Variants in GPC1 observed in about 807,000 individuals in gnomAD.
GPC1 encodes the protein glypican 1, also known as glypican-1.
GPC1 carries 26 observed loss-of-function variants against 51.5 expected under a neutral mutation model. The observed-to-expected ratio is 0.50, with a 90% CI of 0.37 to 0.70. GPC1 has a LOEUF of 0.70. Among genes scored for constraint, GPC1 ranks in the 30% least tolerant of loss-of-function variants. GPC1 has a pLI of 0.00. For missense variants in GPC1, 775 were observed against 800.5 expected (o/e 0.97, Z 0.38); for synonymous variants, 380 against 348.3 (o/e 1.09, Z -1.01).
At chr2:240,450,799 C>T (rs970875464) in intron 1 of GPC1, 11 of 469,394 alleles carry the variant, frequency 2.3e-5, no homozygotes, top group African/African-American at 4.0e-5. Context: ...TACCAGGGTA[C>T]CAGGGCCGGC....
chr2:240,449,025 G>C (rs374066846), intron 1 of GPC1, among the ~76,000 whole-genome samples: 5 of 152,240 alleles, frequency 3.3e-5, no homozygotes, highest in African/African-American at 1.2e-4. Flanking sequence ...AGACCTGGGG[G>C]GGAAGCCACC....
Position 240,452,939 on chromosome 2 carries a change from G to A in GPC1, c.167-6091G>A, listed in dbSNP as rs1386656673. ...CCTGCGAGCCCTTCCGCCCGGCCCCGCTCCGCCGCCTTTCCCCGGCCCGAG... is the reference window on the plus strand; with the variant it reads ...CCTGCGAGCCCTTCCGCCCGGCCCCACTCCGCCGCCTTTCCCCGGCCCGAG... On this transcript the variant is annotated intron_variant, in intron 1 of 8. Transcript: ENST00000264039. 5.4e-5 allele frequency: 17 copies of A among 315,466 alleles called. 1 individual carries two copies. Among genetic ancestry groups the A allele is most frequent in the East Asian group, 1.6e-4 (1 of 6,082 alleles). 19.5% of individuals were successfully genotyped at this position (315,466 alleles called of 1,614,324 possible).
chr2:240,437,328 GC>G (rs1287084559), intron 1 of GPC1, among the ~76,000 whole-genome samples: 1 of 152,116 alleles, frequency 6.6e-6, no homozygotes, highest in Non-Finnish European at 1.5e-5. Context: ...CCCACAGACA[GC>G]CCCTTGCCCT....
chr2:240,449,775 G>A, intron 1 of GPC1: 1 of 462,540 alleles, frequency 2.2e-6, no homozygotes, highest in Non-Finnish European at 4.4e-6. Flanking sequence ...GACTCCTCTA[G>A]GGACCTCACA....
Position 240,453,016 on chromosome 2 carries a change from C to T in GPC1, c.167-6014C>T, listed in dbSNP as rs777640740. The T allele has an allele frequency of 3.1e-4, 110 of 352,232 alleles. 1 individual carries two copies. Among genetic ancestry groups the T allele is most frequent in the South Asian group, 7.0e-4 (36 of 51,758 alleles). The allele number at this position is 352,232 out of a possible 1,614,324, so 21.8% of individuals were successfully genotyped here. A position where few individuals can be genotyped will look rare whatever the true frequency, so the allele number is the denominator to read the frequency against. ...CCCGGAGCCGCTGGAGCCGCCGCTG[C>T]GAAGGGGGTCCCGCGTCCGCCGCCG... On this transcript the variant is annotated intron_variant, in intron 1 of 8. Coordinates refer to ENST00000264039, the MANE Select transcript of GPC1 (RefSeq NM_002081.3).
intron 1 of GPC1, among the ~76,000 whole-genome samples, chr2:240,441,499 CCTA>C (rs2074016572): frequency 6.6e-6 from 1 of 152,248 alleles, no homozygotes; most frequent in African/African-American, 2.4e-5. Context: ...GGTGGGCACT[CCTA>C]CATGCGGGGC....
intron 2 of GPC1, among the ~76,000 whole-genome samples, chr2:240,460,821 C>G (rs941787203): frequency 1.1e-4 from 17 of 152,322 alleles, no homozygotes; most frequent in African/African-American, 4.1e-4. Context: ...ATGTCCTCCC[C>G]TCCCACCCCT....
intron 1 of GPC1, among the ~76,000 whole-genome samples, chr2:240,437,183 G>C (rs536947396): frequency 1.5e-3 from 233 of 152,234 alleles, no homozygotes; most frequent in African/African-American, 5.5e-3. Context: ...AATGCCCATG[G>C]TCCTGGGGAT....
intron 1 of GPC1, chr2:240,458,733 C>T (rs2352827): frequency 0.012 from 4,539 of 379,410 alleles, 172 homozygotes; most frequent in African/African-American, 0.086. Flanking sequence ...CAGTTCTTTG[C>T]TTGCAGCTGC....
chr2:240,444,195 G>A (rs2074035397), intron 1 of GPC1, among the ~76,000 whole-genome samples: 1 of 152,156 alleles, frequency 6.6e-6, no homozygotes, highest in African/African-American at 2.4e-5. Context: ...ACGCCCGGTG[G>A]GTCTCCTGAG....
chr2:240,460,615 G>A (rs1050773748), intron 2 of GPC1, among the ~76,000 whole-genome samples: 5 of 152,134 alleles, frequency 3.3e-5, no homozygotes, highest in Admixed American at 6.5e-5. Context: ...GGCCTGTCCC[G>A]TGTCAGTGCC....
At chr2:240,464,000 T>A (rs77078946) in intron 4 of GPC1, 9 of 208,262 alleles carry the variant, frequency 4.3e-5, no homozygotes, top group Non-Finnish European at 6.8e-5. Context: ...ACGTGTGTGG[T>A]AATATGTACA....
intron 1 of GPC1, chr2:240,450,896 C>G (rs1236250020): frequency 7.2e-6 from 3 of 414,086 alleles, no homozygotes; most frequent in South Asian, 5.5e-5. Flanking sequence ...CTTGTTGGGA[C>G]TGGAGGCCAG....
chr2:240,458,122 GC>G (rs781327952), intron 1 of GPC1: 4 of 462,216 alleles, frequency 8.7e-6, no homozygotes, highest in South Asian at 6.2e-5. Context: ...ATCCCTGTAA[GC>G]CCCGGTTTTC....
chr2:240,441,646 C>A (rs1309171952), intron 1 of GPC1, among the ~76,000 whole-genome samples: 1 of 152,210 alleles, frequency 6.6e-6, no homozygotes, highest in Non-Finnish European at 1.5e-5. Context: ...CAGACAGGAG[C>A]CGCCTGCCCG....
chr2:240,466,168 C>G lies in GPC1; in HGVS notation c.1555C>G (p.Pro519Ala). 6.2e-7 allele frequency: 1 copy of G among 1,612,830 alleles called. No individual in the cohort carries two copies. Among genetic ancestry groups the G allele is most frequent in the Non-Finnish European group, 8.5e-7 (1 of 1,179,436 alleles). Residue 519 changes from proline (P) to alanine (A), a missense_variant, in exon 9 of 9, where the codon CCA becomes GCA. Transcript: ENST00000264039. ...CCGGACGCCCTTGACCCATGCCCTC[C>G]CAGGCCTGTCAGAGCAGGAAGGACA... Reference protein sequence around the residue: ...SSRTPLTHALPGLSEQEGQKT... With the variant: ...SSRTPLTHALAGLSEQEGQKT...
rs755584235 is a variant in GPC1, at chr2:240,462,403, C to T, written c.538C>T (p.Pro180Ser). 28 of 1,600,034 alleles carry T rather than the reference C, an allele frequency of 1.7e-5. No individual in the cohort carries two copies. Among genetic ancestry groups the T allele is most frequent in the Non-Finnish European group, 2.4e-5 (28 of 1,173,846 alleles). Residue 180 changes from proline to serine, a missense_variant, in exon 3 of 9, where the codon CCC (proline) becomes TCC (serine). Physicochemically the swap from Pro to Ser is moderately conservative, Grantham distance 74. Coordinates refer to ENST00000264039, the MANE Select transcript of GPC1 (RefSeq NM_002081.3). ...CGAGCGCCTCTTCAAGCAGCTGCAC[C>T]CCCAGCTGCTGCTGCCTGATGACTA... Reference protein sequence around the residue: ...LLERLFKQLHPQLLLPDDYLD... With the variant: ...LLERLFKQLHSQLLLPDDYLD...
chr2:240,461,275 C>T (rs1259305799), intron 2 of GPC1, among the ~76,000 whole-genome samples: 1 of 152,202 alleles, frequency 6.6e-6, no homozygotes, highest in African/African-American at 2.4e-5. Context: ...GGGGCTGATC[C>T]AGAGATCTCA....
intron 1 of GPC1, chr2:240,457,397 C>A (rs2074176243): frequency 2.1e-6 from 1 of 465,558 alleles, no homozygotes; most frequent in African/African-American, 2.0e-5. Flanking sequence ...TCTCGGGCTC[C>A]TCCCTGAGTG....
Sources: gnomAD v4.1 joint callset for allele counts (sites outside exome capture counted in the v4.1 genomes callset) on GRCh38, gnomAD v4.1.1 for gene constraint, MANE v1.5 for transcripts, NCBI Gene and HGNC (gene_info 2026-07-23, HGNC 2026-07-21) for gene names.